Variants in SLC49A3 observed in about 807,000 individuals in gnomAD.
SLC49A3 encodes solute carrier family 49 member A3.
In SLC49A3, 50 loss-of-function variants were observed where a neutral mutation model predicts 43.8. That is an observed-to-expected ratio of 1.14 (90% CI 0.91 to 1.45). The LOEUF (loss-of-function observed/expected upper bound fraction) is 1.45, where lower values mean the gene tolerates loss of function less well. Ranked by LOEUF, SLC49A3 falls within the 40% of genes most tolerant of loss-of-function variation. The pLI is 0.00. For missense variants in SLC49A3, 906 were observed against 774.1 expected (o/e 1.17, Z -2.02); for synonymous variants, 413 against 352.0 (o/e 1.17, Z -1.94).
chr4:679,004 A>G, downstream of SLC49A3: 1 of 1,613,780 alleles, frequency 6.2e-7, no homozygotes, highest in East Asian at 2.2e-5. Flanking sequence ...ATTGACAAGG[A>G]GGACCTGAAG....
chr4:681,871 G>A lies in SLC49A3; in HGVS notation c.*87C>T, dbSNP rs766477242. ...AATTCGCTCCCGGAGCCCGCAAGGAGCCCTTTCGCCCCCGCCCGCAGGTGG... is the reference window on the plus strand; with the variant it reads ...AATTCGCTCCCGGAGCCCGCAAGGAACCCTTTCGCCCCCGCCCGCAGGTGG... On this transcript the variant is annotated 3_prime_UTR_variant, in exon 10 of 10. Transcript: ENST00000322224. 6 of 1,310,314 alleles carry A rather than the reference G, an allele frequency of 4.6e-6. No individual in the cohort carries two copies. In the East Asian group the frequency reaches 8.5e-5, roughly 18 times the overall value. The allele number at this position is 1,310,314 out of a possible 1,614,324, so 81.2% of individuals were successfully genotyped here.
intron 6 of SLC49A3, 96 bp downstream of exon 6, chr4:684,387 G>C: frequency 6.5e-7 from 1 of 1,532,056 alleles, no homozygotes; most frequent in Non-Finnish European, 8.8e-7. Flanking sequence ...GCCCCCGCCA[G>C]GGTCGGACAC....
chr4:682,910 A>C lies in SLC49A3; in HGVS notation c.1152-20T>G. The C allele has an allele frequency of 6.4e-7, 1 of 1,558,560 alleles. No individual in the cohort carries two copies. Among genetic ancestry groups the C allele is most frequent in the Non-Finnish European group, 8.7e-7 (1 of 1,146,530 alleles). On this transcript the variant is annotated intron_variant, in intron 8 of 9. Transcript: ENST00000322224. ...GCCTGCCTGGACACACGTGGCCCTC[A>C]GCCCCCGCTGCACTGCCCACCCCCT... is the stretch of plus-strand genomic sequence containing the variant.
chr4:682,516 C>G (rs948921332), intron 9 of SLC49A3, 140 bp from the exon 10 acceptor site: 1 of 966,598 alleles, frequency 1.0e-6, no homozygotes, highest in African/African-American at 1.7e-5. Flanking sequence ...CAGCTCTTGA[C>G]AGCCCTGAGG....
At chr4:680,999 G>T, downstream of SLC49A3, 6 of 1,417,276 alleles carry the variant, frequency 4.2e-6, no homozygotes, top group Non-Finnish European at 5.8e-6. Flanking sequence ...CAGTGAGCGA[G>T]TACAACCTGG....
chr4:680,922 G>A, downstream of SLC49A3: 1 of 742,618 alleles, frequency 1.3e-6, no homozygotes, highest in Admixed American at 2.5e-5. Flanking sequence ...CAGAAGTGAT[G>A]GCCCCTGAGT....
intron 1 of SLC49A3, 125 bp downstream of exon 1, chr4:688,868 C>T: frequency 7.2e-7 from 1 of 1,393,058 alleles, no homozygotes; most frequent in South Asian, 1.5e-5. Flanking sequence ...CTAGCCACCT[C>T]CAGAAGGCAC....
Position 684,414 on chromosome 4 carries a change from G to A in SLC49A3, c.840+69C>T, listed in dbSNP as rs552599958. On this transcript the variant is annotated intron_variant, in intron 6 of 9. Coordinates refer to ENST00000322224, the MANE Select transcript of SLC49A3 (RefSeq NM_032219.4). Reference sequence around the variant, plus strand: ...GTCGGACACTGGGCACCCTGGAGGCGGCGGTGACTCCATGGCCATATGGGG... The same window carrying A: ...GTCGGACACTGGGCACCCTGGAGGCAGCGGTGACTCCATGGCCATATGGGG... The A allele has an allele frequency of 5.6e-5, 89 of 1,583,872 alleles. No homozygotes were observed. In the African/African-American group the frequency reaches 9.4e-4, roughly 17 times the overall value.
At chr4:681,299 C>T (rs1739471842), downstream of SLC49A3, among the ~76,000 whole-genome samples, 1 of 152,110 alleles carries the variant, frequency 6.6e-6, no homozygotes, top group African/African-American at 2.4e-5. Context: ...GTCTGAGGGA[C>T]GGAACTGGCT....
intron 1 of SLC49A3, among the ~76,000 whole-genome samples, chr4:686,991 G>A (rs775582413): frequency 2.6e-5 from 4 of 152,346 alleles, no homozygotes; most frequent in African/African-American, 4.8e-5. Flanking sequence ...CAGACCTGGC[G>A]CTCCAAGGCA....
In SLC49A3 at chr4:682,760, G is replaced by C. The variant is rs753493152; in HGVS notation, c.1261+21C>G. 13 of 1,526,458 alleles carry C rather than the reference G, an allele frequency of 8.5e-6. 1 individual carries two copies. The Admixed American group carries it at 9.6e-5, about 11-fold the overall frequency. The allele number at this position is 1,526,458 out of a possible 1,614,324, so 94.6% of individuals were successfully genotyped here. ...GGGCTCACCTGTCCTGTTCCCTGGG[G>C]ACTCCCCATGTGAGGCTCACCTGTC... On this transcript the variant is annotated intron_variant, in intron 9 of 9. Transcript: ENST00000322224.
At chr4:677,957 C>G (rs973666627), downstream of SLC49A3, 5 of 1,612,658 alleles carry the variant, frequency 3.1e-6, no homozygotes, top group Non-Finnish European at 4.2e-6. Context: ...TCCTGGGGGA[C>G]CAAGCAGGAG....
downstream of SLC49A3, chr4:681,191 C>G: frequency 6.4e-7 from 1 of 1,571,576 alleles, no homozygotes; most frequent in Non-Finnish European, 8.6e-7. Flanking sequence ...GCGGGGCTCC[C>G]GGGGTCAGCT....
downstream of SLC49A3, chr4:678,279 C>A: frequency 6.9e-7 from 1 of 1,453,708 alleles, no homozygotes; most frequent in Non-Finnish European, 9.1e-7. Context: ...GAGTCCGGAG[C>A]AGGATGAGGG....
At position 684,578 on chromosome 4, in the gene SLC49A3, C is replaced by T; in HGVS notation, c.745G>A (p.Val249Ile). 6.2e-7 allele frequency: 1 copy of T among 1,613,116 alleles called. No individual in the cohort carries two copies. Among genetic ancestry groups the T allele is most frequent in the Non-Finnish European group, 8.5e-7 (1 of 1,179,948 alleles). Residue 249 changes from valine to isoleucine, a missense_variant, in exon 6 of 10, where the codon GTC (valine) becomes ATC (isoleucine). Physicochemically the swap from Val to Ile is conservative, Grantham distance 29 (BLOSUM62 3). Transcript: ENST00000322224. Reference protein sequence around the residue: ...LKLLMWNKAYVILAVCLGGMI... With the variant: ...LKLLMWNKAYIILAVCLGGMI... The stretch of plus-strand genomic sequence containing the variant: ...CCCCCCAAGCACACAGCCAGGATGA[C>T]ATAGGCCTTGTTCCACATGAGCTGC...
At position 685,001 on chromosome 4, in the gene SLC49A3, G is replaced by T. The variant is rs926882829; in HGVS notation, c.586-145C>A. ...AACCTCTGGTCTGCAGCTGCCCTTT[G>T]CGAGGCCCAGGCTGGGAGGGGCCTG... On this transcript the variant is annotated intron_variant, in intron 4 of 9. Transcript: ENST00000322224. This position sits in a 1 kb window ranked among gnomAD's most constrained non-coding sequence, Gnocchi z 4.3. The T allele has an allele frequency of 2.6e-6, 3 of 1,156,826 alleles. No individual in the cohort carries two copies. Among genetic ancestry groups the T allele is most frequent in the Non-Finnish European group, 3.5e-6 (3 of 847,788 alleles). 71.7% of individuals were successfully genotyped at this position (1,156,826 alleles called of 1,614,324 possible). A position where few individuals can be genotyped will look rare whatever the true frequency, so the allele number is the denominator to read the frequency against.
chr4:681,939 TGGACTACAA>T lies in SLC49A3; in HGVS notation c.*10_*18del, dbSNP rs761651586. 146 of 1,332,112 alleles carry T rather than the reference TGGACTACAA, an allele frequency of 1.1e-4. No individual in the cohort carries two copies. The highest frequency in any genetic ancestry group is 1.5e-4 in the African/African-American group (10 of 66,316). The allele number at this position is 1,332,112 out of a possible 1,614,324, so 82.5% of individuals were successfully genotyped here. On this transcript the variant is annotated 3_prime_UTR_variant, in exon 10 of 10. Transcript: ENST00000322224. ...GCCTCCATCGATGTGGCGGGCAACC[TGGACTACAA>T]GGCGCTCAGCTACGTGATCACCCAC... is the stretch of plus-strand genomic sequence containing the variant.
At chr4:680,494 G>C, downstream of SLC49A3, 1 of 1,613,490 alleles carries the variant, frequency 6.2e-7, no homozygotes, top group South Asian at 1.1e-5. Flanking sequence ...TGGGCTGAAG[G>C]TGCCTTTGTG....
At chr4:680,057 T>C, downstream of SLC49A3, 2 of 1,474,036 alleles carry the variant, frequency 1.4e-6, no homozygotes, top group Non-Finnish European at 1.9e-6. Context: ...TCCTAGCTAA[T>C]TCCTAACAGT....
Sources: gnomAD v4.1 joint callset for allele counts (sites outside exome capture counted in the v4.1 genomes callset) on GRCh38, gnomAD v4.1.1 for gene constraint, Gnocchi (gnomAD v3.1) non-coding constraint, MANE v1.5 for transcripts, NCBI Gene and HGNC (gene_info 2026-07-23, HGNC 2026-07-21) for gene names.